The following JMJD1C variants were observed in gnomAD, a reference collection of about 807,000 sequenced individuals.
JMJD1C encodes jumonji domain-containing protein 1C.
A neutral mutation model predicts 245.3 loss-of-function variants in JMJD1C; 31 were observed. The observed-to-expected ratio is 0.13, with a 90% CI of 0.09 to 0.17. The LOEUF is 0.17. JMJD1C is among the 10% of genes least tolerant of loss of function. JMJD1C has a pLI of 1.00. For missense variants in JMJD1C, 2,691 were observed against 3,000.2 expected, an observed-to-expected ratio of 0.90 and a Z score of 2.41; for synonymous variants, 1,057 against 1,017.4, an observed-to-expected ratio of 1.04 and a Z score of -0.74.
chr10:63,418,894 T>G (rs1462888396), intron 1 of JMJD1C, among the ~76,000 whole-genome samples: 1 of 151,538 alleles, frequency 6.6e-6, no homozygotes, highest in African/African-American at 2.4e-5. Context: ...CTGGCCAATA[T>G]AGTGAAACTC....
Position 63,215,381 on chromosome 10 carries a change from A to C in JMJD1C, c.897T>G (p.Asn299Lys). The change falls in exon 7 of 26, where the codon AAT becomes AAG. Residue 299 changes from asparagine (N) to lysine (K), a missense_variant. Coordinates refer to ENST00000399262, the MANE Select transcript of JMJD1C (RefSeq NM_032776.3). ...TTCTTTGTTGCTGTTGCTGGTGTGT[A>C]TTCTGTTTTGGTACAGCAGCTTGGG... Reference protein sequence around the residue: ...MNSQAAVPKQNTHQQQQQRSI... With the variant: ...MNSQAAVPKQKTHQQQQQRSI... 1 of 1,613,824 alleles carries C rather than the reference A, an allele frequency of 6.2e-7. No individual in the cohort carries two copies. Among genetic ancestry groups the C allele is most frequent in the African/African-American group, 1.3e-5 (1 of 74,894 alleles).
At chr10:63,281,321 T>G (rs1857361435) in intron 2 of JMJD1C, among the ~76,000 whole-genome samples, 1 of 133,434 alleles carries the variant, frequency 7.5e-6, no homozygotes, top group Admixed American at 7.2e-5. Flanking sequence ...TTTTTTTTTT[T>G]GTTTGTTTTT....
intron 1 of JMJD1C, among the ~76,000 whole-genome samples, chr10:63,520,931 C>T (rs1955198079): frequency 6.6e-6 from 1 of 152,212 alleles, no homozygotes; most frequent in African/African-American, 2.4e-5. Flanking sequence ...GGTGCTGGGC[C>T]TCCGTAAACA....
intron 3 of JMJD1C, among the ~76,000 whole-genome samples, chr10:63,229,900 C>T (rs922358813): frequency 6.6e-6 from 1 of 152,100 alleles, no homozygotes; most frequent in Admixed American, 6.6e-5. Context: ...CAGTAAAAGG[C>T]TATTTTAAAA....
At chr10:63,349,100 CAAAAAAAAAAAAAAA>C (rs71463516) in intron 2 of JMJD1C, among the ~76,000 whole-genome samples, 1 of 34,872 alleles carries the variant, frequency 2.9e-5, no homozygotes. Flanking sequence ...GACTCTGTCT[CAAAAAAAAAAAAAAA>C]AAAAAAAAAA....
At chr10:63,197,607 T>C in intron 12 of JMJD1C, 44 bp from the exon 13 acceptor site, 1 of 1,461,914 alleles carries the variant, frequency 6.8e-7, no homozygotes, top group Non-Finnish European at 9.0e-7. Context: ...AAACATGCTC[T>C]TTTCCAAGGC....
chr10:63,391,237 G>A (rs77939779), intron 1 of JMJD1C, among the ~76,000 whole-genome samples: 3,267 of 152,238 alleles, frequency 0.021, 122 homozygotes, highest in African/African-American at 0.073. Context: ...GTGGCCAGGC[G>A]TGGTGGCTGA....
upstream of JMJD1C, among the ~76,000 whole-genome samples, chr10:63,470,314 A>G (rs1953450302): frequency 6.6e-6 from 1 of 152,182 alleles, no homozygotes; most frequent in Non-Finnish European, 1.5e-5. Flanking sequence ...CCTTTTTCTA[A>G]ATCTAACTCA....
intron 2 of JMJD1C, among the ~76,000 whole-genome samples, chr10:63,299,600 A>C (rs916236015): frequency 5.3e-5 from 8 of 152,290 alleles, no homozygotes; most frequent in East Asian, 3.9e-4. Context: ...AGAGCAAAAC[A>C]AACATTTCAA....
intron 1 of JMJD1C, among the ~76,000 whole-genome samples, chr10:63,445,862 A>ATAT (rs1362614366): frequency 9.2e-5 from 7 of 75,714 alleles, no homozygotes; most frequent in Non-Finnish European, 2.2e-5. Flanking sequence ...TGGGATCTGA[A>ATAT]TTTTTTTTTT....
chr10:63,438,478 C>T (rs1182917678), intron 1 of JMJD1C, among the ~76,000 whole-genome samples: 1 of 152,178 alleles, frequency 6.6e-6, no homozygotes, highest in East Asian at 1.9e-4. Context: ...CAAGAGTCTA[C>T]TATCAACAAA....
intron 1 of JMJD1C, among the ~76,000 whole-genome samples, chr10:63,518,475 A>C (rs575756290): frequency 3.3e-4 from 51 of 152,344 alleles, no homozygotes; most frequent in African/African-American, 1.1e-3. Context: ...TAAAGAAGTA[A>C]CTAGTAGCTG....
chr10:63,238,502 T>C (rs1851055754), intron 3 of JMJD1C, among the ~76,000 whole-genome samples: 1 of 152,210 alleles, frequency 6.6e-6, no homozygotes, highest in Non-Finnish European at 1.5e-5. Context: ...AGTTCCTTCA[T>C]GAAATAACAT....
chr10:63,373,863 A>G (rs1413566397), intron 2 of JMJD1C, among the ~76,000 whole-genome samples: 1 of 152,184 alleles, frequency 6.6e-6, no homozygotes, highest in African/African-American at 2.4e-5. Flanking sequence ...AAAGGAAACA[A>G]TAAAATCTCA....
At chr10:63,416,548 T>G (rs926802048) in intron 1 of JMJD1C, among the ~76,000 whole-genome samples, 1 of 152,180 alleles carries the variant, frequency 6.6e-6, no homozygotes, top group East Asian at 1.9e-4. Context: ...AGGGGAAAAC[T>G]GTCTTTTTGG....
At chr10:63,371,153 T>G (rs1361503780) in intron 2 of JMJD1C, among the ~76,000 whole-genome samples, 1 of 151,450 alleles carries the variant, frequency 6.6e-6, no homozygotes, top group Non-Finnish European at 1.5e-5. Context: ...TAATTTTTTT[T>G]TTTTTTTGGT....
At chr10:63,483,344 A>G (rs1953886210) in intron 1 of JMJD1C, among the ~76,000 whole-genome samples, 1 of 152,244 alleles carries the variant, frequency 6.6e-6, no homozygotes, top group Non-Finnish European at 1.5e-5. Context: ...CGGTTGCATA[A>G]GTCTAGATCA....
chr10:63,404,317 G>A lies in JMJD1C; in HGVS notation c.169-23835C>T, dbSNP rs180945171. Among the ~76,000 whole-genome samples the A allele has an allele frequency of 6.8e-4, 104 of 152,050 alleles. 2 individuals are homozygous for A. Among genetic ancestry groups the A allele is most frequent in the African/African-American group, 2.4e-3 (100 of 41,434 alleles). On this transcript the variant is annotated intron_variant, in intron 1 of 25. Transcript: ENST00000399262. The stretch of plus-strand genomic sequence containing the variant: ...TGGCCAGTCTCATTTCAAAACAAAC[G>A]AGACCAAAAAAAGCAGAGAGAGAAA...
rs929662202 is a variant in JMJD1C at position 63,395,979 on chromosome 10, G to A, written c.169-15497C>T. On this transcript the variant is annotated intron_variant, in intron 1 of 25. Transcript: ENST00000399262. The stretch of plus-strand genomic sequence containing the variant: ...GTAGCAAAAGTAATTTTATAGGGGA[G>A]TGATTGCACTGTTCTATGTCTTAAT... Among the ~76,000 whole-genome samples the A allele has an allele frequency of 3.9e-5, 6 of 152,094 alleles. No homozygotes were observed. The East Asian group carries it at 1.2e-3, about 29-fold the overall frequency.
Sources: gnomAD v4.1 joint callset for allele counts (sites outside exome capture counted in the v4.1 genomes callset) on GRCh38, gnomAD v4.1.1 for gene constraint, MANE v1.5 for transcripts, NCBI Gene and HGNC (gene_info 2026-07-23, HGNC 2026-07-21) for gene names.